The following PPFIA2 variants were observed in gnomAD, a reference collection of about 807,000 sequenced individuals.
PPFIA2 encodes PPFI scaffold protein A2.
A neutral mutation model predicts 175.5 loss-of-function variants in PPFIA2; 46 were observed. That is an observed-to-expected ratio of 0.26 (90% CI 0.21 to 0.34). The LOEUF is 0.34. PPFIA2 is among the 10% of genes least tolerant of loss of function. The pLI, the probability that PPFIA2 is intolerant of heterozygous loss-of-function variation, is 1.00. For synonymous variants in PPFIA2, 568 were observed against 511.4 expected (o/e 1.11, Z -1.49); for missense variants, 1,179 against 1,506.1 (o/e 0.78, Z 3.60).
chr12:81,514,673 A>G (rs966369608), intron 4 of PPFIA2, among the ~76,000 whole-genome samples: 2 of 151,926 alleles, frequency 1.3e-5, no homozygotes, highest in African/African-American at 4.8e-5. Context: ...GATACAACTA[A>G]ATGATACTTT....
At position 81,263,402 on chromosome 12, in the gene PPFIA2, GTT is replaced by G; in HGVS notation, c.3556-14_3556-13del. 1 of 1,608,124 alleles carries G rather than the reference GTT, an allele frequency of 6.2e-7. No homozygotes were observed. Among genetic ancestry groups the G allele is most frequent in the Non-Finnish European group, 8.5e-7 (1 of 1,175,222 alleles). Reference sequence around the variant, plus strand: ...TTCTTGTCATCACTCTGCCAGTACAGTTATAAGGTGATGTTATGAAAACAAGT... The same window carrying G: ...TTCTTGTCATCACTCTGCCAGTACAGATAAGGTGATGTTATGAAAACAAGT... On this transcript the variant is annotated splice_polypyrimidine_tract_variant and intron_variant, in intron 30 of 32. Transcript: ENST00000549396.
intron 4 of PPFIA2, among the ~76,000 whole-genome samples, chr12:81,593,849 A>G (rs544399044): frequency 9.9e-4 from 151 of 152,300 alleles, no homozygotes; most frequent in African/African-American, 3.6e-3. Context: ...AGCTGGGAAG[A>G]TAATTTCTGT....
At chr12:81,610,183 T>C (rs2060745921) in intron 4 of PPFIA2, among the ~76,000 whole-genome samples, 1 of 152,152 alleles carries the variant, frequency 6.6e-6, no homozygotes, top group Non-Finnish European at 1.5e-5. Context: ...CCTTTATCTC[T>C]AGCTGCCTTT....
intron 22 of PPFIA2, among the ~76,000 whole-genome samples, chr12:81,303,240 C>T (rs2048309040): frequency 6.6e-6 from 1 of 152,178 alleles, no homozygotes; most frequent in Non-Finnish European, 1.5e-5. Context: ...AAATTACTCT[C>T]TTTCCCTGTT....
intron 4 of PPFIA2, among the ~76,000 whole-genome samples, chr12:81,674,736 T>C (rs1313883758): frequency 6.6e-6 from 1 of 152,068 alleles, no homozygotes; most frequent in Non-Finnish European, 1.5e-5. Context: ...TTAGATTATG[T>C]ATAATTTAAT....
chr12:81,643,939 C>G (rs555267809), intron 4 of PPFIA2, among the ~76,000 whole-genome samples: 1 of 151,856 alleles, frequency 6.6e-6, no homozygotes, highest in Non-Finnish European at 1.5e-5. Flanking sequence ...GGAATAGCAA[C>G]AAACTTTTCC....
chr12:81,374,283 T>G (rs916240125), intron 11 of PPFIA2, among the ~76,000 whole-genome samples: 1 of 152,122 alleles, frequency 6.6e-6, no homozygotes, highest in African/African-American at 2.4e-5. Flanking sequence ...CTAATAGCAA[T>G]TGATGTGAAG....
chr12:81,642,921 AT>A (rs2065513123), intron 4 of PPFIA2, among the ~76,000 whole-genome samples: 1 of 144,832 alleles, frequency 6.9e-6, no homozygotes, highest in Non-Finnish European at 1.5e-5. Context: ...AATGTAAAAA[AT>A]GTGTATATAT....
intron 3 of PPFIA2, among the ~76,000 whole-genome samples, chr12:81,729,358 C>G (rs544594944): frequency 2.0e-5 from 3 of 151,612 alleles, no homozygotes; most frequent in African/African-American, 7.2e-5. Context: ...AGCAAGTCCT[C>G]TGGATACTTT....
chr12:81,391,599 A>AT, intron 8 of PPFIA2, among the ~76,000 whole-genome samples: 1 of 152,074 alleles, frequency 6.6e-6, no homozygotes, highest in African/African-American at 2.4e-5. Context: ...GTAATGGATA[A>AT]TTTTTGCTTG....
At chr12:81,616,106 T>G (rs1806197840) in intron 4 of PPFIA2, among the ~76,000 whole-genome samples, 1 of 152,012 alleles carries the variant, frequency 6.6e-6, no homozygotes, top group African/African-American at 2.4e-5. Flanking sequence ...GCTGAGAGTA[T>G]TGTTGGGGGA....
intron 3 of PPFIA2, among the ~76,000 whole-genome samples, chr12:81,680,317 C>G (rs1056127920): frequency 6.6e-6 from 1 of 151,846 alleles, no homozygotes; most frequent in East Asian, 1.9e-4. Flanking sequence ...GACATTAATG[C>G]CATAATAAAC....
chr12:81,665,572 C>T (rs1456024862), intron 4 of PPFIA2, among the ~76,000 whole-genome samples: 1 of 151,984 alleles, frequency 6.6e-6, no homozygotes, highest in African/African-American at 2.4e-5. Context: ...TTAAGTAGTT[C>T]TATATCATAG....
chr12:81,423,363 C>T (rs1234240280), intron 7 of PPFIA2, among the ~76,000 whole-genome samples: 1 of 152,070 alleles, frequency 6.6e-6, no homozygotes, highest in African/African-American at 2.4e-5. Context: ...ATAATACTAG[C>T]AAACCCAATG....
rs2138449908 is a variant in PPFIA2 at position 81,302,319 on chromosome 12, G to T, written c.2643-2937C>A. The T allele has an allele frequency of 2.0e-5, 5 of 244,834 alleles. No individual in the cohort carries two copies. In the South Asian group the frequency reaches 2.1e-4, roughly 10 times the overall value. The allele number at this position is 244,834 out of a possible 1,614,324, so 15.2% of individuals were successfully genotyped here. On this transcript the variant is annotated intron_variant, in intron 22 of 32. Transcript: ENST00000549396. ...CTGATCCCAAGAGTCTGATCTATTT[G>T]GGATTCCTGGTGAGAATTTGGTTAA...
intron 3 of PPFIA2, among the ~76,000 whole-genome samples, chr12:81,744,245 C>G (rs1346979637): frequency 1.3e-5 from 2 of 152,100 alleles, no homozygotes; most frequent in South Asian, 4.1e-4. Flanking sequence ...ATAAAATATG[C>G]TCAGTGCATA....
intron 4 of PPFIA2, among the ~76,000 whole-genome samples, chr12:81,531,458 T>C (rs941755519): frequency 1.2e-4 from 18 of 151,722 alleles, no homozygotes; most frequent in Admixed American, 7.9e-4. Flanking sequence ...GAGGACTTTC[T>C]GGGTGAATTA....
At chr12:81,337,065 T>C (rs1404038438) in intron 21 of PPFIA2, among the ~76,000 whole-genome samples, 1 of 152,118 alleles carries the variant, frequency 6.6e-6, no homozygotes, top group Non-Finnish European at 1.5e-5. Flanking sequence ...GTGGGGCCCA[T>C]GTATCATTTC....
chr12:81,706,230 T>C (rs1015212548), intron 3 of PPFIA2, among the ~76,000 whole-genome samples: 2 of 152,160 alleles, frequency 1.3e-5, no homozygotes, highest in Non-Finnish European at 2.9e-5. Flanking sequence ...GTAATATAAA[T>C]AAGGAAGCAT....
Sources: gnomAD v4.1 joint callset for allele counts (sites outside exome capture counted in the v4.1 genomes callset) on GRCh38, gnomAD v4.1.1 for gene constraint, MANE v1.5 for transcripts, NCBI Gene and HGNC (gene_info 2026-07-23, HGNC 2026-07-21) for gene names.